RAB3GAP1: variants seen among roughly 807,000 people sequenced by gnomAD.
RAB3GAP1 encodes RAB3 GTPase activating protein catalytic subunit 1.
A neutral mutation model predicts 130.7 loss-of-function variants in RAB3GAP1; 86 were observed. The ratio of observed to expected loss-of-function variants is 0.66; its 90% confidence interval spans 0.55 to 0.79. RAB3GAP1 has a LOEUF of 0.79. Ranked by LOEUF, RAB3GAP1 falls within the 30% of genes least tolerant of loss-of-function variation. The pLI is 0.00. For missense variants in RAB3GAP1, 1,029 were observed against 1,169.4 expected (o/e 0.88, Z 1.75); for synonymous variants, 367 against 401.7 (o/e 0.91, Z 1.03).
At chr2:135,093,446 ATG>A (rs901475135) in intron 4 of RAB3GAP1, among the ~76,000 whole-genome samples, 167 bp from the exon 5 acceptor site, 1 of 152,176 alleles carries the variant, frequency 6.6e-6, no homozygotes, top group African/African-American at 2.4e-5. Context: ...AGAAAAAAAA[ATG>A]AGAGAGAAAT....
At chr2:135,104,361 A>G (rs62170174) in intron 5 of RAB3GAP1, among the ~76,000 whole-genome samples, 6,402 of 152,288 alleles carry the variant, frequency 0.042, 160 homozygotes, top group African/African-American at 0.056. Flanking sequence ...TACTAGATGT[A>G]CAATGAAACA....
At chr2:135,164,359 G>C (rs911277158) in intron 22 of RAB3GAP1, among the ~76,000 whole-genome samples, 12 of 152,070 alleles carry the variant, frequency 7.9e-5, no homozygotes, top group African/African-American at 2.9e-4. Context: ...CTTTGACAGA[G>C]ATAGGCTTTA....
Position 135,168,672 on chromosome 2 carries a change from C to G in RAB3GAP1, c.2837C>G (p.Pro946Arg). The change falls in exon 24 of 24, where the codon CCG becomes CGG. Residue 946 changes from proline to arginine, a missense_variant. Pro to Arg is a moderately radical substitution (Grantham distance 103). Coordinates refer to ENST00000264158, the MANE Select transcript of RAB3GAP1 (RefSeq NM_012233.3). The stretch of plus-strand genomic sequence containing the variant: ...GAATTCATTTTGCGCACCACTGTGC[C>G]GCGCCCTGCTCCCTACTCCAAAGCT... ...GREFILRTTV[P>R]RPAPYSKALP... 1 of 1,614,176 alleles carries G rather than the reference C, an allele frequency of 6.2e-7. No homozygotes were observed. The highest frequency in any genetic ancestry group is 8.5e-7 in the Non-Finnish European group (1 of 1,180,020).
At chr2:135,135,346 A>C (rs1444851893) in intron 16 of RAB3GAP1, 27 bp downstream of exon 16, 1 of 1,565,940 alleles carries the variant, frequency 6.4e-7, no homozygotes, top group East Asian at 2.2e-5. Context: ...GACATGGATA[A>C]ATGTGGTCTT....
intron 5 of RAB3GAP1, among the ~76,000 whole-genome samples, chr2:135,105,653 C>A (rs1451417567): frequency 6.6e-6 from 1 of 152,232 alleles, no homozygotes; most frequent in Admixed American, 6.5e-5. Flanking sequence ...CCGGCCGCCA[C>A]CCCATCTGGG....
intron 10 of RAB3GAP1, 76 bp from the exon 11 acceptor site, chr2:135,126,507 G>C: frequency 7.5e-7 from 1 of 1,336,330 alleles, no homozygotes; most frequent in Non-Finnish European, 1.1e-6. Context: ...GTTTTCATTA[G>C]ACTGCATTTT....
chr2:135,152,105 C>A (rs1436358256), intron 18 of RAB3GAP1, among the ~76,000 whole-genome samples: 1 of 152,196 alleles, frequency 6.6e-6, no homozygotes, highest in Non-Finnish European at 1.5e-5. Context: ...TCAGATAATA[C>A]ATTTAAGGAA....
rs1690871243 is a variant in RAB3GAP1, at chr2:135,113,243, T to A, written c.455T>A (p.Val152Asp). The change falls in exon 6 of 24, where the codon GTT becomes GAT. Residue 152 changes from valine (V) to aspartate (D), a missense_variant. Transcript: ENST00000264158. The stretch of plus-strand genomic sequence containing the variant: ...AAGTGCAACCTTCTTCTGAGTTCTG[T>A]TTCTATTGCCTTGGGAAACACTGGC... Reference protein sequence around the residue: ...ESKCNLLLSSVSIALGNTGCQ... With the variant: ...ESKCNLLLSSDSIALGNTGCQ... 1.2e-6 allele frequency: 2 copies of A among 1,614,216 alleles called. No homozygotes were observed. Among genetic ancestry groups the A allele is most frequent in the Non-Finnish European group, 1.7e-6 (2 of 1,180,034 alleles).
intron 8 of RAB3GAP1, among the ~76,000 whole-genome samples, chr2:135,123,693 T>A (rs1691266743): frequency 6.6e-6 from 1 of 152,158 alleles, no homozygotes; most frequent in Non-Finnish European, 1.5e-5. Context: ...TCTTTATATA[T>A]TTCCATTTAC....
At chr2:135,118,089 G>A (rs944867346) in intron 7 of RAB3GAP1, among the ~76,000 whole-genome samples, 8 of 151,908 alleles carry the variant, frequency 5.3e-5, no homozygotes, top group Non-Finnish European at 1.0e-4. Flanking sequence ...CAAGCAATCC[G>A]CCTGCCCAAC....
At position 135,105,985 on chromosome 2, in the gene RAB3GAP1, C is replaced by T. The variant is rs182430058; in HGVS notation, c.363-7166C>T. ...CGCCCCGTCTGAGAAGTGAGGAGCC[C>T]CTCCGCCCGGCAGCTGCCCCGTCTG... On this transcript the variant is annotated intron_variant, in intron 5 of 23. Transcript: ENST00000264158. Among the ~76,000 whole-genome samples, 4 of 151,410 alleles carry T rather than the reference C, an allele frequency of 2.6e-5. No individual in the cohort carries two copies. In the East Asian group the frequency reaches 7.9e-4, roughly 30 times the overall value.
At position 135,160,285 on chromosome 2, in the gene RAB3GAP1, T is replaced by C. The variant is rs117016100; in HGVS notation, c.2290-2270T>C. Among the ~76,000 whole-genome samples the C allele has an allele frequency of 2.0e-5, 3 of 152,288 alleles. No individual in the cohort carries two copies. The East Asian group carries it at 5.8e-4, about 29-fold the overall frequency. ...TATAAAAGACAGAGTGAAAAGCTGTTGCAGATTAGTTGAGATTAAAGAGCT... is the reference window on the plus strand; with the variant it reads ...TATAAAAGACAGAGTGAAAAGCTGTCGCAGATTAGTTGAGATTAAAGAGCT... On this transcript the variant is annotated intron_variant, in intron 19 of 23. Coordinates refer to ENST00000264158, the MANE Select transcript of RAB3GAP1 (RefSeq NM_012233.3).
intron 5 of RAB3GAP1, among the ~76,000 whole-genome samples, chr2:135,107,975 CAAAAAAAAAAAAAA>C (rs59782185): frequency 3.8e-5 from 2 of 51,952 alleles, no homozygotes; most frequent in East Asian, 1.0e-3. Context: ...AACTCCATCT[CAAAAAAAAAAAAAA>C]AAAAAAAAAA....
intron 2 of RAB3GAP1, among the ~76,000 whole-genome samples, chr2:135,052,994 T>TA (rs1688921657): frequency 1.3e-5 from 2 of 152,166 alleles, no homozygotes; most frequent in Non-Finnish European, 2.9e-5. Context: ...AATTTTTTAT[T>TA]TTTATTTATT....
chr2:135,080,597 C>T (rs545379682), intron 3 of RAB3GAP1, among the ~76,000 whole-genome samples: 27 of 152,332 alleles, frequency 1.8e-4, no homozygotes, highest in East Asian at 9.6e-4. Context: ...CTTATGCCTA[C>T]GTGAATCAGT....
intron 3 of RAB3GAP1, among the ~76,000 whole-genome samples, chr2:135,071,754 C>G (rs1343036460): frequency 6.6e-6 from 1 of 152,134 alleles, no homozygotes. Context: ...ACAATGATGA[C>G]AAGTCTTTGA....
intron 17 of RAB3GAP1, among the ~76,000 whole-genome samples, chr2:135,144,402 C>T (rs879643469): frequency 2.6e-5 from 4 of 151,964 alleles, no homozygotes; most frequent in African/African-American, 7.3e-5. Flanking sequence ...GATTGGTTTG[C>T]GAGTACGCAA....
chr2:135,113,131 C>A lies in RAB3GAP1; in HGVS notation c.363-20C>A. The A allele has an allele frequency of 6.2e-7, 1 of 1,613,978 alleles. No individual in the cohort carries two copies. Among genetic ancestry groups the A allele is most frequent in the Non-Finnish European group, 8.5e-7 (1 of 1,179,922 alleles). ...GTTCTGAGGTTTCCCCTGTTTAATG[C>A]AGTTAATTCTTTTTTTAAGGTATGG... On this transcript the variant is annotated intron_variant, in intron 5 of 23. Transcript: ENST00000264158.
chr2:135,054,513 G>A (rs1209953654), intron 2 of RAB3GAP1, among the ~76,000 whole-genome samples: 1 of 152,152 alleles, frequency 6.6e-6, no homozygotes, highest in East Asian at 1.9e-4. Flanking sequence ...TTGATGATAC[G>A]TTAAAAGTGG....
Sources: allele counts gnomAD v4.1 joint callset (sites outside exome capture counted in the v4.1 genomes callset), GRCh38; gene constraint gnomAD v4.1.1; transcripts MANE v1.5; gene names NCBI Gene and HGNC (gene_info 2026-07-23, HGNC 2026-07-21).